Variants in PCDH19 observed in about 807,000 individuals in gnomAD.
The protein encoded by PCDH19 is protocadherin 19, also known as protocadherin-19.
A neutral mutation model predicts 46.2 loss-of-function variants in PCDH19; 6 were observed. The ratio of observed to expected loss-of-function variants is 0.13; its 90% CI spans 0.07 to 0.26. The LOEUF (loss-of-function observed/expected upper bound fraction) is 0.26, where lower values mean the gene tolerates loss of function less well. PCDH19 is among the 10% of genes least tolerant of loss of function. The pLI, the probability that PCDH19 is intolerant of heterozygous loss-of-function variation, is 1.00. For synonymous variants in PCDH19, 481 were observed against 415.7 expected (o/e 1.16, Z -1.91); for missense variants, 740 against 972.3 (o/e 0.76, Z 3.18).
chrX:100,335,974 G>A (rs1926074184), intron 5 of PCDH19, among the ~76,000 whole-genome samples: 1 of 112,114 alleles, frequency 8.9e-6, no homozygotes, highest in Admixed American at 9.5e-5. Flanking sequence ...AGCAAAACTG[G>A]GAAAGAAATA....
At chrX:100,333,306 T>A (rs1925978458) in intron 5 of PCDH19, among the ~76,000 whole-genome samples, 2 of 111,449 alleles carry the variant, frequency 1.8e-5, no homozygotes, top group Non-Finnish European at 3.8e-5. Flanking sequence ...ATTGGCAGTG[T>A]CCCTACTTTT....
intron 3 of PCDH19, among the ~76,000 whole-genome samples, chrX:100,396,045 C>T (rs1187679858): frequency 1.8e-5 from 2 of 111,507 alleles, no homozygotes; most frequent in Non-Finnish European, 1.9e-5. Flanking sequence ...CCTCCCACCT[C>T]TCACACACAG....
At chrX:100,304,692 A>G (rs1228315167) in intron 5 of PCDH19, among the ~76,000 whole-genome samples, 2 of 111,838 alleles carry the variant, frequency 1.8e-5, no homozygotes, top group Non-Finnish European at 3.8e-5. Flanking sequence ...ATATGAAAGG[A>G]AAAGTCTTCA....
chrX:100,324,457 T>C (rs1423117406), intron 5 of PCDH19, among the ~76,000 whole-genome samples: 1 of 112,060 alleles, frequency 8.9e-6, no homozygotes, highest in Non-Finnish European at 1.9e-5. Flanking sequence ...TACAGATCCA[T>C]TGGCAAATGG....
chrX:100,373,817 C>G (rs1336498344), intron 3 of PCDH19, among the ~76,000 whole-genome samples: 1 of 112,786 alleles, frequency 8.9e-6, no homozygotes, highest in Non-Finnish European at 1.9e-5. Context: ...GAGCAAAAAA[C>G]AAAGCAGGGC....
intron 5 of PCDH19, among the ~76,000 whole-genome samples, chrX:100,331,459 C>T (rs956314004): frequency 8.9e-6 from 1 of 111,766 alleles, no homozygotes; most frequent in African/African-American, 3.3e-5. Flanking sequence ...GAAGAAGAAC[C>T]TGTGTGTGAT....
chrX:100,294,042 A>G lies in PCDH19; in HGVS notation c.*2235T>C, dbSNP rs1924513830. 1 of 112,087 alleles carries G rather than the reference A, an allele frequency of 8.9e-6. No individual in the cohort carries two copies. The highest frequency in any genetic ancestry group is 3.7e-4 in the South Asian group (1 of 2,688). The allele number at this position is 112,087 out of a possible 1,213,427, so 9.2% of individuals were successfully genotyped here. A position where few individuals can be genotyped will look rare whatever the true frequency, so the allele number is the denominator to read the frequency against. On this transcript the variant is annotated 3_prime_UTR_variant, in exon 6 of 6. Transcript: ENST00000373034. Reference sequence around the variant, plus strand: ...TCAAAGTGACCTTGAAATCGTAGCTAATAACATAATATCAGGATGGATCAG... The same window carrying G: ...TCAAAGTGACCTTGAAATCGTAGCTGATAACATAATATCAGGATGGATCAG...
chrX:100,402,214 G>A (rs183140903), intron 3 of PCDH19, among the ~76,000 whole-genome samples: 75 of 112,066 alleles, frequency 6.7e-4, no homozygotes, highest in Non-Finnish European at 2.4e-4. Context: ...TGGTACTGCT[G>A]GCTGTCAAGC....
At chrX:100,350,781 A>G in intron 3 of PCDH19, 77 bp from the exon 4 acceptor site, 1 of 671,145 alleles carries the variant, frequency 1.5e-6, no homozygotes. Context: ...ACTTAGAAGG[A>G]ATTTTTCTTC....
intron 3 of PCDH19, among the ~76,000 whole-genome samples, chrX:100,368,706 A>C (rs1458919727): frequency 9.0e-6 from 1 of 110,968 alleles, no homozygotes; most frequent in Non-Finnish European, 1.9e-5. Context: ...AAGAAACGAG[A>C]AATCTTGGGT....
rs188796746 is a variant in PCDH19, at chrX:100,292,002, A to G, written c.*4275T>C. On this transcript the variant is annotated 3_prime_UTR_variant, in exon 6 of 6. Coordinates refer to ENST00000373034, the MANE Select transcript of PCDH19 (RefSeq NM_001184880.2). ...AAATTTCCACCCTGGTTTGACAGGT[A>G]AACAGTAATAGTGTCATCAGGCTCA... is the stretch of plus-strand genomic sequence containing the variant. The G allele has an allele frequency of 1.8e-5, 2 of 113,546 alleles. No individual in the cohort carries two copies. Among genetic ancestry groups the G allele is most frequent in the East Asian group, 2.8e-4 (1 of 3,597 alleles). The allele number at this position is 113,546 out of a possible 1,213,427, so 9.4% of individuals were successfully genotyped here. A position where few individuals can be genotyped will look rare whatever the true frequency, so the allele number is the denominator to read the frequency against.
intron 3 of PCDH19, among the ~76,000 whole-genome samples, chrX:100,398,009 CACAT>C (rs1371926145): frequency 9.0e-6 from 1 of 110,962 alleles, no homozygotes; most frequent in Non-Finnish European, 1.9e-5. Context: ...CACACACACA[CACAT>C]ACACACACAC....
At chrX:100,334,805 G>A (rs1299158940) in intron 5 of PCDH19, among the ~76,000 whole-genome samples, 2 of 102,903 alleles carry the variant, frequency 1.9e-5, no homozygotes, top group African/African-American at 7.1e-5. Context: ...GTGTTTTCCC[G>A]ATATATATAC....
intron 3 of PCDH19, among the ~76,000 whole-genome samples, chrX:100,373,967 C>T (rs1192174176): frequency 8.9e-6 from 1 of 111,962 alleles, no homozygotes; most frequent in Non-Finnish European, 1.9e-5. Context: ...TGCTTGCTGA[C>T]TCTGAAACAT....
In PCDH19 at chrX:100,296,327, G is replaced by C; in HGVS notation, c.3397C>G (p.Arg1133Gly). ...HEVSPILKEG[R>G]NKESPGVKRL... is the part of the protein sequence containing the mutation. ...TTCACACCAGGGGACTCTTTGTTGC[G>C]ACCTTCCTTCAGAATGGGGCTGACC... Residue 1133 changes from arginine to glycine, a missense_variant, in exon 6 of 6, where the codon CGC becomes GGC. Coordinates refer to ENST00000373034, the MANE Select transcript of PCDH19 (RefSeq NM_001184880.2). The C allele has an allele frequency of 3.3e-6, 4 of 1,211,350 alleles. No individual in the cohort carries two copies. The highest frequency in any genetic ancestry group is 2.2e-6 in the Non-Finnish European group (2 of 895,219).
In PCDH19 at chrX:100,379,904, G is replaced by A. The variant is rs147481342; in HGVS notation, c.2616+22620C>T. Among the ~76,000 whole-genome samples, 426 of 111,873 alleles carry A rather than the reference G, an allele frequency of 3.8e-3. 2 individuals carry two copies. The highest frequency in any genetic ancestry group is 0.013 in the African/African-American group (411 of 30,806). ...ACACCACCCATTGACATTGGTTGGG[G>A]GTGGGAGGTGGCATGGACTCAAAAG... On this transcript the variant is annotated intron_variant, in intron 3 of 5. Coordinates refer to ENST00000373034, the MANE Select transcript of PCDH19 (RefSeq NM_001184880.2).
At chrX:100,336,265 G>A (rs139166391) in intron 5 of PCDH19, among the ~76,000 whole-genome samples, 1,688 of 112,051 alleles carry the variant, frequency 0.015, 26 homozygotes, top group African/African-American at 0.052. Context: ...ATTCAGTGAG[G>A]AGAGAGGTGA....
rs1301670811 is a variant in PCDH19 at position 100,292,828 on chromosome X, C to T, written c.*3449G>A. 8.9e-6 allele frequency: 1 copy of T among 111,751 alleles called. No homozygotes were observed. Among genetic ancestry groups the T allele is most frequent in the East Asian group, 2.8e-4 (1 of 3,551 alleles). 9.2% of individuals were successfully genotyped at this position (111,751 alleles called of 1,213,427 possible). A position where few individuals can be genotyped will look rare whatever the true frequency, so the allele number is the denominator to read the frequency against. On this transcript the variant is annotated 3_prime_UTR_variant, in exon 6 of 6. Coordinates refer to ENST00000373034, the MANE Select transcript of PCDH19 (RefSeq NM_001184880.2). ...CAAAGTCAATAAGGGTCTTATTACC[C>T]GGGGTAAAGAGCCAAGTGGACCAAA...
intron 3 of PCDH19, among the ~76,000 whole-genome samples, chrX:100,387,511 T>C (rs937548721): frequency 9.0e-6 from 1 of 111,620 alleles, no homozygotes; most frequent in Non-Finnish European, 1.9e-5. Context: ...TCCCTCCAAA[T>C]TGGCCATTTG....
Sources: gnomAD v4.1 joint callset for allele counts (sites outside exome capture counted in the v4.1 genomes callset) on GRCh38, gnomAD v4.1.1 for gene constraint, MANE v1.5 for transcripts, NCBI Gene and HGNC (gene_info 2026-07-23, HGNC 2026-07-21) for gene names.